CLIP4: variants seen among roughly 807,000 people sequenced by gnomAD.
CLIP4 encodes CAP-Gly domain-containing linker protein 4.
In CLIP4, 47 loss-of-function variants were observed where a neutral mutation model predicts 73.1. The ratio of observed to expected loss-of-function variants is 0.64; its 90% CI spans 0.51 to 0.82. The LOEUF is 0.82. Among genes scored for constraint, CLIP4 ranks in the 40% least tolerant of loss-of-function variants. The pLI is 0.00. For missense variants in CLIP4, 874 were observed against 852.9 expected, an observed-to-expected ratio of 1.02 and a Z score of -0.31; for synonymous variants, 306 against 295.4, an observed-to-expected ratio of 1.04 and a Z score of -0.37.
In CLIP4 at chr2:29,166,567, C is replaced by G. The variant is rs76289712; in HGVS notation, c.1659-909C>G. Among the ~76,000 whole-genome samples the G allele has an allele frequency of 4.5e-3, 667 of 149,490 alleles. 3 individuals carry two copies. The highest frequency in any genetic ancestry group is 0.015 in the African/African-American group (624 of 40,520). ...CACACACACACACACACACACTGCT[C>G]AAGTAATCTTCATTAGCATAATATT... On this transcript the variant is annotated intron_variant, in intron 13 of 15. Transcript: ENST00000320081.
At position 29,181,861 on chromosome 2, in the gene CLIP4, A is replaced by T; in HGVS notation, c.2086A>T (p.Asn696Tyr). The change falls in exon 16 of 16, where the codon AAT (asparagine) becomes TAT (tyrosine). Residue 696 changes from asparagine to tyrosine, a missense_variant. Coordinates refer to ENST00000320081, the MANE Select transcript of CLIP4 (RefSeq NM_024692.6). Reference protein sequence around the residue: ...RPSRVTYRGINGSKLVDENC With the variant: ...RPSRVTYRGIYGSKLVDENC ...GAGCAGAGTGACCTATCGGGGAATTAATGGGTCAAAACTTGTGGATGAGAA... is the reference window on the plus strand; with the variant it reads ...GAGCAGAGTGACCTATCGGGGAATTTATGGGTCAAAACTTGTGGATGAGAA... The T allele has an allele frequency of 6.2e-7, 1 of 1,613,082 alleles. No individual in the cohort carries two copies. The highest frequency in any genetic ancestry group is 8.5e-7 in the Non-Finnish European group (1 of 1,179,188).
chr2:29,177,351 T>C (rs535182625), intron 15 of CLIP4, among the ~76,000 whole-genome samples: 5 of 150,714 alleles, frequency 3.3e-5, no homozygotes, highest in East Asian at 3.9e-4. Context: ...AGGGGTTTCA[T>C]TGAGCCAAGA....
intron 11 of CLIP4, among the ~76,000 whole-genome samples, chr2:29,158,604 G>C (rs1667090592): frequency 6.6e-6 from 1 of 152,108 alleles, no homozygotes; most frequent in Non-Finnish European, 1.5e-5. Context: ...CTAGTGAGTA[G>C]ATATTCCACT....
At chr2:29,132,105 G>A in intron 3 of CLIP4, 47 bp from the exon 4 acceptor site, 2 of 1,411,736 alleles carry the variant, frequency 1.4e-6, no homozygotes, top group Non-Finnish European at 1.0e-6. Flanking sequence ...AAAGCAATAG[G>A]TACCTCAGTA....
chr2:29,159,470 A>C (rs892168201), intron 11 of CLIP4, among the ~76,000 whole-genome samples: 1 of 152,190 alleles, frequency 6.6e-6, no homozygotes, highest in Non-Finnish European at 1.5e-5. Flanking sequence ...GTTTTGAATC[A>C]GGTTGACAGG....
intron 15 of CLIP4, among the ~76,000 whole-genome samples, chr2:29,175,963 G>C (rs1413329770): frequency 6.6e-6 from 1 of 152,098 alleles, no homozygotes; most frequent in East Asian, 1.9e-4. Flanking sequence ...GGATTTCACT[G>C]TGTTAGCCAG....
chr2:29,131,523 A>G, intron 3 of CLIP4, 126 bp downstream of exon 3: 1 of 1,009,468 alleles, frequency 9.9e-7, no homozygotes, highest in Non-Finnish European at 1.4e-6. Context: ...ATTTATTTGT[A>G]TTTCCAGGAT....
At chr2:29,170,429 G>A (rs1216028045) in intron 14 of CLIP4, among the ~76,000 whole-genome samples, 2 of 152,138 alleles carry the variant, frequency 1.3e-5, no homozygotes, top group Non-Finnish European at 2.9e-5. Flanking sequence ...TGATGTGCCT[G>A]TTCACATCTT....
chr2:29,114,649 G>A (rs1243913182), upstream of CLIP4, among the ~76,000 whole-genome samples: 2 of 152,188 alleles, frequency 1.3e-5, no homozygotes, highest in African/African-American at 2.4e-5. Context: ...AAGATGCTCC[G>A]GGGTGCGGTG....
intron 2 of CLIP4, among the ~76,000 whole-genome samples, chr2:29,129,228 C>T (rs947770020): frequency 2.6e-5 from 4 of 152,094 alleles, no homozygotes; most frequent in Non-Finnish European, 2.9e-5. Context: ...CAAAGTTGTA[C>T]GTCTGCCTTA....
At chr2:29,099,736 G>T (rs1218940620) in intron 1 of CLIP4, among the ~76,000 whole-genome samples, 1 of 152,192 alleles carries the variant, frequency 6.6e-6, no homozygotes, top group African/African-American at 2.4e-5. Context: ...AAAATAATTT[G>T]CTGGAATTTT....
At chr2:29,173,295 A>ACCT (rs1396716954) in intron 14 of CLIP4, among the ~76,000 whole-genome samples, 1 of 152,206 alleles carries the variant, frequency 6.6e-6, no homozygotes, top group Non-Finnish European at 1.5e-5. Flanking sequence ...TTTGTCTCCT[A>ACCT]CTGAGGATTA....
chr2:29,141,113 T>C (rs1171757003), intron 6 of CLIP4, among the ~76,000 whole-genome samples: 1 of 152,204 alleles, frequency 6.6e-6, no homozygotes, highest in Non-Finnish European at 1.5e-5. Context: ...GCAAGTTTTC[T>C]AGTTTGCATG....
chr2:29,097,938 C>T (rs1442963914), exon 1 of CLIP4: 1 of 152,212 alleles, frequency 6.6e-6, no homozygotes, highest in African/African-American at 2.4e-5. Flanking sequence ...AAGACAGTCA[C>T]ATGGTTTGGG....
chr2:29,155,474 C>CT (rs1666863831), intron 9 of CLIP4, among the ~76,000 whole-genome samples: 1 of 152,120 alleles, frequency 6.6e-6, no homozygotes, highest in African/African-American at 2.4e-5. Context: ...AATTGTATCA[C>CT]TGCCAACATC....
rs376663878 is a variant in CLIP4, at chr2:29,135,587, C to G, written c.569C>G (p.Ala190Gly). 8 of 1,610,012 alleles carry G rather than the reference C, an allele frequency of 5.0e-6. No homozygotes were observed. Among genetic ancestry groups the G allele is most frequent in the Non-Finnish European group, 5.1e-6 (6 of 1,178,520 alleles). The change falls in exon 6 of 16, where the codon GCT becomes GGT. Residue 190 changes from alanine (A) to glycine (G), a missense_variant. Coordinates refer to ENST00000320081, the MANE Select transcript of CLIP4 (RefSeq NM_024692.6). ...ATCSDFNFGTALHIAAYNLCA... is the reference protein window; with the variant it reads ...ATCSDFNFGTGLHIAAYNLCA... ...TGCAGTGATTTTAATTTTGGAACAG[C>G]TTTGCATATTGCAGCATACAACTTG...
intron 1 of CLIP4, among the ~76,000 whole-genome samples, chr2:29,101,434 A>G (rs958845555): frequency 2.4e-4 from 36 of 152,138 alleles, no homozygotes; most frequent in African/African-American, 8.4e-4. Flanking sequence ...AATGGAGTCT[A>G]ATGTTCAAGG....
chr2:29,137,921 A>C (rs116469831), intron 6 of CLIP4, among the ~76,000 whole-genome samples: 1 of 151,758 alleles, frequency 6.6e-6, no homozygotes, highest in African/African-American at 2.4e-5. Context: ...CCTTTGTTGG[A>C]TGCATAGTTT....
chr2:29,101,397 A>G (rs1475781577), intron 1 of CLIP4, among the ~76,000 whole-genome samples: 2 of 152,192 alleles, frequency 1.3e-5, no homozygotes, highest in African/African-American at 2.4e-5. Context: ...TCACTGCTGT[A>G]AGTCCAACAA....
Sources: gnomAD v4.1 joint callset for allele counts (sites outside exome capture counted in the v4.1 genomes callset) on GRCh38, gnomAD v4.1.1 for gene constraint, MANE v1.5 for transcripts, NCBI Gene and HGNC (gene_info 2026-07-23, HGNC 2026-07-21) for gene names.